SMG6: variants seen among roughly 807,000 people sequenced by gnomAD.
SMG6 encodes SMG6 nonsense mediated mRNA decay factor.
Under a neutral mutation model 142.2 loss-of-function variants are expected in SMG6, and 66 were observed. The observed-to-expected ratio is 0.46, with a 90% CI of 0.38 to 0.57. The LOEUF (loss-of-function observed/expected upper bound fraction) is 0.57. Among genes scored for constraint, SMG6 ranks in the 20% least tolerant of loss-of-function variants. SMG6 has a pLI of 0.00. For synonymous variants in SMG6, 779 were observed against 702.4 expected (o/e 1.11, Z -1.72); for missense variants, 1,793 against 1,832.0 (o/e 0.98, Z 0.39).
chr17:2,301,414 G>C (rs901112991), intron 1 of SMG6, among the ~76,000 whole-genome samples: 14 of 152,154 alleles, frequency 9.2e-5, no homozygotes, highest in African/African-American at 3.4e-4. Context: ...GACACTAACT[G>C]CTACTGTGAT....
intron 10 of SMG6, among the ~76,000 whole-genome samples, chr17:2,231,464 G>A (rs1248034812): frequency 6.6e-6 from 1 of 152,166 alleles, no homozygotes; most frequent in Non-Finnish European, 1.5e-5. Context: ...TTGGGAGGCC[G>A]AGGCGGACGG....
intron 7 of SMG6, 44 bp downstream of exon 7, chr17:2,283,581 T>C (rs1402960173): frequency 1.4e-6 from 2 of 1,470,590 alleles, no homozygotes; most frequent in South Asian, 1.1e-5. Context: ...CTCAGGGAAA[T>C]GCACTATTCG....
rs2151392039 is a variant in SMG6, at chr17:2,068,723, T to C, written c.3835+55A>G. Reference sequence around the variant, plus strand: ...TGGCCCCCAGGCCGTGGGGCGTGTGTGGAGGGGGCTGCTGTGCACATGCAA... The same window carrying C: ...TGGCCCCCAGGCCGTGGGGCGTGTGCGGAGGGGGCTGCTGTGCACATGCAA... On this transcript the variant is annotated intron_variant, in intron 16 of 18. Transcript: ENST00000263073. This position sits in a 1 kb window ranked among gnomAD's most constrained non-coding sequence, Gnocchi z 6.7. The C allele has an allele frequency of 6.4e-7, 1 of 1,574,716 alleles. No homozygotes were observed. Among genetic ancestry groups the C allele is most frequent in the Middle Eastern group, 1.8e-4 (1 of 5,570 alleles).
intron 10 of SMG6, among the ~76,000 whole-genome samples, chr17:2,194,747 G>C (rs115445778): frequency 4.6e-5 from 7 of 152,042 alleles, no homozygotes; most frequent in South Asian, 2.1e-4. Flanking sequence ...AAAGAGGCTG[G>C]AGATAATGCT....
intron 14 of SMG6, among the ~76,000 whole-genome samples, chr17:2,082,662 C>T (rs1464988893): frequency 1.3e-5 from 2 of 152,196 alleles, no homozygotes; most frequent in Admixed American, 6.5e-5. Flanking sequence ...TGGCACCTCC[C>T]TACTTGCAGC....
intron 12 of SMG6, among the ~76,000 whole-genome samples, chr17:2,184,609 G>A (rs1332773348): frequency 6.9e-6 from 1 of 144,056 alleles, no homozygotes; most frequent in Non-Finnish European, 1.5e-5. Flanking sequence ...GTGAGCTGAG[G>A]TCGCGCCATT....
intron 11 of SMG6, 46 bp from the exon 12 acceptor site, chr17:2,186,877 C>A: frequency 6.3e-7 from 1 of 1,595,904 alleles, no homozygotes. Context: ...TGCTGTAGCC[C>A]CCGAGTGAGG....
chr17:2,253,879 C>T (rs922913454), intron 8 of SMG6, among the ~76,000 whole-genome samples: 2 of 152,180 alleles, frequency 1.3e-5, no homozygotes, highest in African/African-American at 4.8e-5. Flanking sequence ...CAGGTTTCCA[C>T]CTGCAGGGTA....
rs1414551689 is a variant in SMG6 at position 2,229,799 on chromosome 17, A to G, written c.2869+6693T>C. Among the ~76,000 whole-genome samples the G allele has an allele frequency of 3.3e-5, 5 of 152,274 alleles. No individual in the cohort carries two copies. In the East Asian group the frequency reaches 7.7e-4, roughly 24 times the overall value. On this transcript the variant is annotated intron_variant, in intron 10 of 18. Coordinates refer to ENST00000263073, the MANE Select transcript of SMG6 (RefSeq NM_017575.5). ...CTAGAACATACCTACTTTCTCTGTG[A>G]ATTCAGCATACAGTATGAATCTGGC...
At chr17:2,155,341 C>T (rs765929530) in intron 13 of SMG6, among the ~76,000 whole-genome samples, 44 of 152,022 alleles carry the variant, frequency 2.9e-4, no homozygotes, top group African/African-American at 9.2e-4. Flanking sequence ...GGATTATAGG[C>T]GTGAGCCACG....
intron 8 of SMG6, among the ~76,000 whole-genome samples, chr17:2,282,155 T>C (rs1217269374): frequency 6.6e-6 from 1 of 152,120 alleles, no homozygotes; most frequent in Non-Finnish European, 1.5e-5. Context: ...AGAAATCTTC[T>C]AAACAAGCCT....
chr17:2,282,558 G>C, intron 8 of SMG6, 89 bp downstream of exon 8: 1 of 1,285,770 alleles, frequency 7.8e-7, no homozygotes, highest in South Asian at 1.2e-5. Context: ...GCAATCAGTG[G>C]GAAGTATCTG....
chr17:2,186,856 G>A (rs368925672), intron 11 of SMG6, 25 bp from the exon 12 acceptor site: 5 of 1,611,386 alleles, frequency 3.1e-6, no homozygotes, highest in African/African-American at 1.3e-5. Context: ...GGTGAGAACT[G>A]GGCCTATGTC....
intron 13 of SMG6, among the ~76,000 whole-genome samples, chr17:2,100,810 G>A (rs963534679): frequency 2.6e-5 from 4 of 152,086 alleles, no homozygotes; most frequent in Non-Finnish European, 5.9e-5. Context: ...GCTTCCCAAA[G>A]TGCTAGGATT....
At chr17:2,282,581 G>C in intron 8 of SMG6, 66 bp downstream of exon 8, 1 of 1,513,216 alleles carries the variant, frequency 6.6e-7, no homozygotes, top group Non-Finnish European at 9.2e-7. Flanking sequence ...CCTCACAGCT[G>C]TATGAACCAG....
chr17:2,303,529 G>T (rs1428944892), intron 1 of SMG6, 104 bp downstream of exon 1: 48 of 1,338,976 alleles, frequency 3.6e-5, no homozygotes, highest in Non-Finnish European at 4.6e-5. Context: ...TGGGGGAAGG[G>T]GCGGGGGCTC....
At chr17:2,228,947 C>T (rs1366057576) in intron 10 of SMG6, among the ~76,000 whole-genome samples, 1 of 152,112 alleles carries the variant, frequency 6.6e-6, no homozygotes, top group African/African-American at 2.4e-5. Flanking sequence ...GACATATCTA[C>T]CTTCCCCCCA....
chr17:2,145,483 TA>T (rs1286304143), intron 13 of SMG6, among the ~76,000 whole-genome samples: 2 of 150,532 alleles, frequency 1.3e-5, no homozygotes, highest in Non-Finnish European at 3.0e-5. Flanking sequence ...ACCATACAAC[TA>T]AAAATGGAAG....
chr17:2,174,024 C>T (rs936556726), intron 12 of SMG6, among the ~76,000 whole-genome samples: 13 of 151,970 alleles, frequency 8.6e-5, no homozygotes, highest in African/African-American at 3.1e-4. Context: ...AAGAGAGATG[C>T]ATAGGAGAAT....
Sources: gnomAD v4.1 joint callset for allele counts (sites outside exome capture counted in the v4.1 genomes callset) on GRCh38, gnomAD v4.1.1 for gene constraint, Gnocchi (gnomAD v3.1) non-coding constraint, MANE v1.5 for transcripts, NCBI Gene and HGNC (gene_info 2026-07-23, HGNC 2026-07-21) for gene names.